KCP: variants seen among roughly 807,000 people sequenced by gnomAD.
KCP encodes kielin cysteine rich BMP regulator.
A neutral mutation model predicts 212.7 loss-of-function variants in KCP; 194 were observed. The ratio of observed to expected loss-of-function variants is 0.91; its 90% CI spans 0.81 to 1.03. The LOEUF (loss-of-function observed/expected upper bound fraction) is 1.03. Among genes scored for constraint, KCP ranks in the 50% least tolerant of loss-of-function variants. KCP has a pLI of 0.00. For synonymous variants in KCP, 833 were observed against 865.3 expected, an observed-to-expected ratio of 0.96 and a Z score of 0.65; for missense variants, 2,080 against 2,162.5, an observed-to-expected ratio of 0.96 and a Z score of 0.76.
chr7:128,910,139 C>CAA (rs1164605221), intron 1 of KCP, among the ~76,000 whole-genome samples: 3 of 152,150 alleles, frequency 2.0e-5, no homozygotes, highest in Non-Finnish European at 1.5e-5. Context: ...GAAAGAGCTC[C>CAA]GAGTGGCACA....
rs896949463 is a variant in KCP, at chr7:128,910,655, C to G, written c.22G>C (p.Ala8Pro). 3 of 1,510,712 alleles carry G rather than the reference C, an allele frequency of 2.0e-6. No individual in the cohort carries two copies. In the African/African-American group the frequency reaches 4.3e-5, roughly 22 times the overall value. 93.6% of individuals were successfully genotyped at this position (1,510,712 alleles called of 1,614,324 possible). A position where few individuals can be genotyped will look rare whatever the true frequency, so the allele number is the denominator to read the frequency against. MAGVGAA[A>P]LSLLLHLGAL... ...CCGAGGTGCAGGAGAAGGGACAGCGCAGCGGCCCCGACCCCGGCCATGCTA... is the reference window on the plus strand; with the variant it reads ...CCGAGGTGCAGGAGAAGGGACAGCGGAGCGGCCCCGACCCCGGCCATGCTA... Residue 8 changes from alanine (A) to proline (P), a missense_variant, in exon 1 of 40, where the codon GCG (alanine) becomes CCG (proline). Transcript: ENST00000610776.
chr7:128,884,726 C>G, intron 28 of KCP, 55 bp downstream of exon 28: 1 of 1,482,520 alleles, frequency 6.7e-7, no homozygotes, highest in Non-Finnish European at 9.2e-7. Context: ...TCATCCCATG[C>G]TGCCCACTCC....
At chr7:128,889,920 CTTTTTTTT>C (rs35633844) in intron 21 of KCP, 7 of 99,590 alleles carry the variant, frequency 7.0e-5, no homozygotes, top group South Asian at 6.1e-4. Flanking sequence ...TAGTGTCAGG[CTTTTTTTT>C]TTTTTTTTTT....
intron 1 of KCP, among the ~76,000 whole-genome samples, chr7:128,910,063 G>A (rs577123447): frequency 6.6e-6 from 1 of 152,320 alleles, no homozygotes; most frequent in East Asian, 1.9e-4. Flanking sequence ...TGGGAGCCCG[G>A]GAGAAGCTGA....
At chr7:128,897,810 G>A (rs1424185910) in intron 8 of KCP, among the ~76,000 whole-genome samples, 1 of 152,126 alleles carries the variant, frequency 6.6e-6, no homozygotes, top group African/African-American at 2.4e-5. Context: ...GCTATGCAAA[G>A]AAGGTTATAA....
chr7:128,896,064 G>A (rs920198541), intron 8 of KCP, among the ~76,000 whole-genome samples: 11 of 152,028 alleles, frequency 7.2e-5, no homozygotes, highest in Admixed American at 1.3e-4. Context: ...TCTTTCTGGC[G>A]ACCACTGAAG....
At chr7:128,908,163 GAGA>G (rs1795224370) in intron 2 of KCP, among the ~76,000 whole-genome samples, 1 of 78,868 alleles carries the variant, frequency 1.3e-5, no homozygotes, top group Non-Finnish European at 2.3e-5. Context: ...GAGAGAAAGA[GAGA>G]AGAAGGATGG....
chr7:128,896,889 C>CAA lies in KCP; in HGVS notation c.832-2598_832-2597dup, dbSNP rs35522047. On this transcript the variant is annotated intron_variant, in intron 8 of 39. Coordinates refer to ENST00000610776, the MANE Select transcript of KCP (RefSeq NM_001366122.1). ...CTGGCGACAGAGCAAGACTCCATCT[C>CAA]AAAAAAAAAAAAAAAAAAAAAAAAA... Among the ~76,000 whole-genome samples, 305 of 58,040 alleles carry CAA rather than the reference C, an allele frequency of 5.3e-3. 1 individual carries two copies. The highest frequency in any genetic ancestry group is 0.04 in the East Asian group (75 of 1,864). The allele number at this position is 58,040 out of a possible 152,430, so 38.1% of individuals were successfully genotyped here. A position where few individuals can be genotyped will look rare whatever the true frequency, so the allele number is the denominator to read the frequency against.
Position 128,887,068 on chromosome 7 carries a change from C to T in KCP, c.2599-102G>A, listed in dbSNP as rs866572409. The T allele has an allele frequency of 8.1e-5, 84 of 1,033,396 alleles. 2 individuals are homozygous for T. In the Middle Eastern group the frequency reaches 1.0e-3, roughly 12 times the overall value. 64.0% of individuals were successfully genotyped at this position (1,033,396 alleles called of 1,614,324 possible). ...GGGGCCCAAACACCCTCCCTTGGCC[C>T]GGGACACCTGAGCCCAGTCCTGTCC... On this transcript the variant is annotated intron_variant, in intron 23 of 39. Coordinates refer to ENST00000610776, the MANE Select transcript of KCP (RefSeq NM_001366122.1).
At chr7:128,902,563 T>C (rs1794910020) in intron 8 of KCP, among the ~76,000 whole-genome samples, 1 of 152,150 alleles carries the variant, frequency 6.6e-6, no homozygotes, top group Admixed American at 6.5e-5. Flanking sequence ...GTTCATTCAC[T>C]AACCCGGGCT....
intron 8 of KCP, among the ~76,000 whole-genome samples, chr7:128,897,633 T>C (rs1293905820): frequency 6.6e-6 from 1 of 151,854 alleles, no homozygotes; most frequent in African/African-American, 2.4e-5. Context: ...AAAAATATCT[T>C]CAAAAATGTA....
intron 1 of KCP, among the ~76,000 whole-genome samples, chr7:128,910,163 C>T (rs1325587497): frequency 6.6e-6 from 1 of 152,192 alleles, no homozygotes; most frequent in Non-Finnish European, 1.5e-5. Context: ...TTGGCTGGTC[C>T]CCAAGGAATT....
rs1438402348 is a variant in KCP at position 128,892,804 on chromosome 7, G to A, written c.1421-10C>T. 2.6e-6 allele frequency: 4 copies of A among 1,551,562 alleles called. No individual in the cohort carries two copies. Among genetic ancestry groups the A allele is most frequent in the East Asian group, 2.4e-5 (1 of 40,934 alleles). ...CTGGGGCAGCAGGCACCTGGGTGGG[G>A]CAGGCTGGTCAGGGTGAGCTGGGTA... On this transcript the variant is annotated splice_polypyrimidine_tract_variant and intron_variant, in intron 14 of 39. Transcript: ENST00000610776.
intron 9 of KCP, 26 bp from the exon 10 acceptor site, chr7:128,894,081 T>C (rs1169633859): frequency 7.1e-6 from 11 of 1,542,180 alleles, no homozygotes; most frequent in South Asian, 1.2e-5. Flanking sequence ...GCCTTAGATG[T>C]TCCTCAGGGG....
Position 128,880,519 on chromosome 7 carries a change from T to C in KCP, c.3626A>G (p.Gln1209Arg). 6.7e-7 allele frequency: 1 copy of C among 1,498,962 alleles called. No homozygotes were observed. Among genetic ancestry groups the C allele is most frequent in the Non-Finnish European group, 9.0e-7 (1 of 1,114,990 alleles). The allele number at this position is 1,498,962 out of a possible 1,614,324, so 92.9% of individuals were successfully genotyped here. Residue 1209 changes from glutamine to arginine, a missense_variant, in exon 34 of 40, where the codon CAG (glutamine) becomes CGG (arginine). Transcript: ENST00000610776. The part of the protein sequence containing the change: ...SCCERCQAPT[Q>R]SCVHQGREVA... ...CTCACGGCCCTGGTGCACGCAGGAC[T>C]GGGTGGGAGCTGAAGGGATAGGAGC...
intron 21 of KCP, chr7:128,890,075 C>A (rs1425170740): frequency 1.6e-5 from 8 of 503,528 alleles, no homozygotes; most frequent in Non-Finnish European, 2.5e-5. Flanking sequence ...AGAGGCACCA[C>A]GACCAGCTGA....
In KCP at chr7:128,894,224, C is replaced by T. The variant is rs1050230575; in HGVS notation, c.901G>A (p.Gly301Ser). ...CCATCACACACAGGGCAGCAGGTGC[C>T]TGGGAGGGGCCGGGCTGGGTATGGA... ...LCPYPARPLP[G>S]TCCPVCDGCF... The change falls in exon 9 of 40, where the codon GGC (glycine) becomes AGC (serine). Residue 301 changes from glycine (G) to serine (S), a missense_variant. Physicochemically the swap from Gly to Ser is moderately conservative, Grantham distance 56 (BLOSUM62 0). Coordinates refer to ENST00000610776, the MANE Select transcript of KCP (RefSeq NM_001366122.1). 78 of 1,538,528 alleles carry T rather than the reference C, an allele frequency of 5.1e-5. No individual in the cohort carries two copies. Among genetic ancestry groups the T allele is most frequent in the Non-Finnish European group, 6.4e-5 (73 of 1,138,314 alleles).
Position 128,894,236 on chromosome 7 carries a change from G to A in KCP, c.889C>T (p.Arg297Trp), listed in dbSNP as rs143327428. ...ECASLCPYPA[R>W]PLPGTCCPVC... ...GGGCAGCAGGTGCCTGGGAGGGGCC[G>A]GGCTGGGTATGGACACAGGCTGGCA... is the stretch of plus-strand genomic sequence containing the variant. The change falls in exon 9 of 40, where the codon CGG becomes TGG. Residue 297 changes from arginine to tryptophan, a missense_variant. Transcript: ENST00000610776. 825 of 1,541,022 alleles carry A rather than the reference G, an allele frequency of 5.4e-4. 2 individuals are homozygous for A. The African/African-American group carries it at 7.8e-3, about 15-fold the overall frequency.
Position 128,886,548 on chromosome 7 carries a change from C to T in KCP, c.2782G>A (p.Val928Ile), listed in dbSNP as rs527990383. 8.4e-5 allele frequency: 131 copies of T among 1,551,108 alleles called. 5 individuals carry two copies. The South Asian group carries it at 1.4e-3, about 17-fold the overall frequency. ...GGGCACTGCAGCCGCACACAGCTGACCTGGCCAGCCTGTAGGAGATGCAGG... is the reference window on the plus strand; with the variant it reads ...GGGCACTGCAGCCGCACACAGCTGATCTGGCCAGCCTGTAGGAGATGCAGG... ...CEWCRCQAGQ[V>I]SCVRLQCPPL... is the part of the protein sequence containing the mutation. The change falls in exon 26 of 40, where the codon GTC becomes ATC. Residue 928 changes from valine to isoleucine, a missense_variant. Transcript: ENST00000610776.
Sources: gnomAD v4.1 joint callset for allele counts (sites outside exome capture counted in the v4.1 genomes callset) on GRCh38, gnomAD v4.1.1 for gene constraint, MANE v1.5 for transcripts, NCBI Gene and HGNC (gene_info 2026-07-23, HGNC 2026-07-21) for gene names.